ADGRL2: variants seen among roughly 807,000 people sequenced by gnomAD.
ADGRL2 encodes calcium-independent alpha-latrotoxin receptor 2.
Under a neutral mutation model 157.4 loss-of-function variants are expected in ADGRL2, and 44 were observed. The ratio of observed to expected loss-of-function variants is 0.28; its 90% confidence interval spans 0.22 to 0.36. ADGRL2 has a LOEUF of 0.36. Ranked by LOEUF, ADGRL2 falls within the 10% of genes least tolerant of loss-of-function variation. ADGRL2 has a pLI of 1.00. For missense variants in ADGRL2, 1,510 were observed against 1,768.9 expected, an observed-to-expected ratio of 0.85 and a Z score of 2.63; for synonymous variants, 585 against 624.7, an observed-to-expected ratio of 0.94 and a Z score of 0.95.
chr1:81,912,111 G>A (rs1396262671), intron 3 of ADGRL2, among the ~76,000 whole-genome samples: 1 of 150,600 alleles, frequency 6.6e-6, no homozygotes, highest in East Asian at 1.9e-4. Context: ...TCACTCCCTT[G>A]CCCACGCTGG....
intron 17 of ADGRL2, among the ~76,000 whole-genome samples, chr1:81,979,024 T>G (rs1229749426): frequency 6.6e-6 from 1 of 151,782 alleles, no homozygotes; most frequent in Non-Finnish European, 1.5e-5. Flanking sequence ...CTGCCTCCTC[T>G]TCTTCCAACA....
intron 2 of ADGRL2, among the ~76,000 whole-genome samples, chr1:81,773,837 G>C (rs139978386): frequency 3.9e-5 from 6 of 152,190 alleles, no homozygotes; most frequent in Non-Finnish European, 7.3e-5. Context: ...TAGTACCTCA[G>C]AGTGTGACTG....
At chr1:81,621,299 A>T (rs1392465476) in intron 3 of ADGRL2, among the ~76,000 whole-genome samples, 2 of 152,182 alleles carry the variant, frequency 1.3e-5, no homozygotes, top group Non-Finnish European at 2.9e-5. Flanking sequence ...CATGGTCTCC[A>T]TGCCCCAGTG....
intron 2 of ADGRL2, among the ~76,000 whole-genome samples, chr1:81,456,173 G>A (rs2101770149): frequency 6.6e-6 from 1 of 152,052 alleles, no homozygotes; most frequent in South Asian, 2.1e-4. Context: ...CTTAGGATAT[G>A]ATATTTAAGG....
chr1:81,468,492 T>C (rs2078105783), intron 2 of ADGRL2, among the ~76,000 whole-genome samples: 1 of 152,176 alleles, frequency 6.6e-6, no homozygotes, highest in Non-Finnish European at 1.5e-5. Flanking sequence ...GTTGATTTCT[T>C]ATGGAAAAGA....
At chr1:81,842,647 C>T (rs950565551) in intron 2 of ADGRL2, among the ~76,000 whole-genome samples, 17 of 152,060 alleles carry the variant, frequency 1.1e-4, no homozygotes, top group African/African-American at 4.1e-4. Context: ...TGAGACACCA[C>T]ACCCAGCCTT....
chr1:81,320,129 C>A (rs1219482080), intron 1 of ADGRL2, among the ~76,000 whole-genome samples: 1 of 152,310 alleles, frequency 6.6e-6, no homozygotes, highest in Non-Finnish European at 1.5e-5. Context: ...GTTTCCATCT[C>A]AAGAAACCAA....
At chr1:81,372,922 C>T (rs2100997495) in intron 1 of ADGRL2, among the ~76,000 whole-genome samples, 1 of 152,204 alleles carries the variant, frequency 6.6e-6, no homozygotes, top group Non-Finnish European at 1.5e-5. Context: ...TGTCTTCTTC[C>T]AATGGTTCTC....
At chr1:81,895,939 C>A (rs746707881) in intron 2 of ADGRL2, among the ~76,000 whole-genome samples, 6 of 152,122 alleles carry the variant, frequency 3.9e-5, no homozygotes, top group Admixed American at 1.3e-4. Flanking sequence ...GTTGGAGTGA[C>A]TCACTGGATA....
intron 1 of ADGRL2, among the ~76,000 whole-genome samples, chr1:81,375,273 A>G (rs1251172408): frequency 6.6e-6 from 1 of 152,192 alleles, no homozygotes; most frequent in African/African-American, 2.4e-5. Flanking sequence ...GTATAGCCCA[A>G]AATTAAAGGA....
At chr1:81,825,580 T>C (rs2091399915) in intron 1 of ADGRL2, among the ~76,000 whole-genome samples, 2 of 149,512 alleles carry the variant, frequency 1.3e-5, no homozygotes, top group South Asian at 4.2e-4. Flanking sequence ...CTCCTTACCT[T>C]GTGATCTGCC....
intron 2 of ADGRL2, among the ~76,000 whole-genome samples, chr1:81,507,069 G>C (rs937376323): frequency 1.1e-4 from 16 of 152,166 alleles, no homozygotes; most frequent in Admixed American, 7.2e-4. Flanking sequence ...TAATATATCA[G>C]AAAGAGTGCA....
chr1:81,382,306 A>T (rs1025202961), intron 1 of ADGRL2, among the ~76,000 whole-genome samples: 1 of 152,160 alleles, frequency 6.6e-6, no homozygotes, highest in Non-Finnish European at 1.5e-5. Flanking sequence ...CCCAGATTGA[A>T]CATATGAGAT....
At chr1:81,630,130 AGCTGAGATAG>A (rs2081985350) in intron 3 of ADGRL2, among the ~76,000 whole-genome samples, 2 of 152,130 alleles carry the variant, frequency 1.3e-5, no homozygotes, top group South Asian at 4.1e-4. Flanking sequence ...CTAGAAGCAG[AGCTGAGATAG>A]GCATTTTAGT....
At chr1:81,631,733 T>C (rs571595583) in intron 3 of ADGRL2, among the ~76,000 whole-genome samples, 1 of 152,332 alleles carries the variant, frequency 6.6e-6, no homozygotes, top group African/African-American at 2.4e-5. Context: ...AATTAGGTCC[T>C]TGATTGTTCT....
At chr1:81,684,627 C>G (rs2083192634) in intron 3 of ADGRL2, among the ~76,000 whole-genome samples, 1 of 152,186 alleles carries the variant, frequency 6.6e-6, no homozygotes, top group South Asian at 2.1e-4. Flanking sequence ...TGCAAAAGCT[C>G]TTTCGTTGAA....
intron 3 of ADGRL2, among the ~76,000 whole-genome samples, chr1:81,600,192 G>A (rs1363672024): frequency 6.6e-6 from 1 of 152,180 alleles, no homozygotes; most frequent in Non-Finnish European, 1.5e-5. Context: ...CCTGGAATAG[G>A]ACTGTACCAT....
chr1:81,597,688 C>T (rs954504720), intron 3 of ADGRL2, among the ~76,000 whole-genome samples: 3 of 152,112 alleles, frequency 2.0e-5, no homozygotes, highest in South Asian at 2.1e-4. Flanking sequence ...GGGTTACATC[C>T]GGATAAACCC....
chr1:81,967,330 C>A (rs186263289), intron 13 of ADGRL2, among the ~76,000 whole-genome samples: 17 of 150,754 alleles, frequency 1.1e-4, no homozygotes, highest in Non-Finnish European at 2.1e-4. Context: ...GGCGCGATCT[C>A]GGCTCACTGC....
Sources: allele counts gnomAD v4.1 joint callset (sites outside exome capture counted in the v4.1 genomes callset), GRCh38; gene constraint gnomAD v4.1.1; transcripts MANE v1.5; gene names NCBI Gene and HGNC (gene_info 2026-07-23, HGNC 2026-07-21).